The following FRK variants were observed in gnomAD, a reference collection of about 807,000 sequenced individuals.
FRK encodes tyrosine-protein kinase FRK.
In FRK, 51 loss-of-function variants were observed where a neutral mutation model predicts 56.4. The ratio of observed to expected loss-of-function variants is 0.90; its 90% CI spans 0.72 to 1.14. The LOEUF (loss-of-function observed/expected upper bound fraction) is 1.14. Among genes scored for constraint, FRK ranks in the 50% most tolerant of loss-of-function variants. The pLI is 0.00. For synonymous variants in FRK, 245 were observed against 217.9 expected, an observed-to-expected ratio of 1.12 and a Z score of -1.10; for missense variants, 570 against 601.4, an observed-to-expected ratio of 0.95 and a Z score of 0.55.
intron 2 of FRK, among the ~76,000 whole-genome samples, chr6:115,975,253 C>G (rs1404982465): frequency 6.6e-6 from 1 of 151,450 alleles, no homozygotes; most frequent in Non-Finnish European, 1.5e-5. Context: ...TTTTTTTCAT[C>G]TCTTACTGGC....
rs181204461 is a variant in FRK at position 115,940,714 on chromosome 6, C to A, written c.*1700G>T. ...CAAAAGAAGATATTTATGCAGCCAA[C>A]AGACATATGAAAAAAAGCTCATCAT... is the stretch of plus-strand genomic sequence containing the variant. On this transcript the variant is annotated 3_prime_UTR_variant, in exon 8 of 8. Coordinates refer to ENST00000606080, the MANE Select transcript of FRK (RefSeq NM_002031.3). 1 of 152,194 alleles carries A rather than the reference C, an allele frequency of 6.6e-6. No individual in the cohort carries two copies. The highest frequency in any genetic ancestry group is 1.9e-4 in the East Asian group (1 of 5,178). 9.4% of individuals were successfully genotyped at this position (152,194 alleles called of 1,614,324 possible).
At chr6:116,036,308 G>A (rs1477694281) in intron 1 of FRK, among the ~76,000 whole-genome samples, 1 of 152,128 alleles carries the variant, frequency 6.6e-6, no homozygotes, top group African/African-American at 2.4e-5. Flanking sequence ...CAGGAATGCA[G>A]TGAGCCAATT....
the FRK span, among the ~76,000 whole-genome samples, chr6:116,076,910 G>T: frequency 2.6e-5 from 4 of 152,176 alleles, no homozygotes; most frequent in South Asian, 8.3e-4. Context: ...GGAAAGAAGG[G>T]TGATAACGTT....
the FRK span, among the ~76,000 whole-genome samples, chr6:116,079,654 G>A: frequency 2.6e-5 from 4 of 152,050 alleles, no homozygotes; most frequent in Admixed American, 6.6e-5. Flanking sequence ...GCAGTGGCAC[G>A]GTCATGGCTC....
the FRK span, among the ~76,000 whole-genome samples, chr6:116,086,952 C>T: frequency 2.5e-3 from 383 of 152,292 alleles, 10 homozygotes; most frequent in South Asian, 0.044. Flanking sequence ...AAGATAACTT[C>T]AGGTTCCTGC....
At chr6:116,031,259 T>C (rs574716174) in intron 1 of FRK, among the ~76,000 whole-genome samples, 7 of 152,116 alleles carry the variant, frequency 4.6e-5, no homozygotes, top group Non-Finnish European at 1.0e-4. Context: ...AAGTGGAATA[T>C]GTACACTGAT....
the FRK span, among the ~76,000 whole-genome samples, chr6:116,088,649 G>A: frequency 6.6e-6 from 1 of 152,168 alleles, no homozygotes; most frequent in African/African-American, 2.4e-5. Context: ...ATGTATGGTC[G>A]TAGTTCAATT....
intron 2 of FRK, among the ~76,000 whole-genome samples, chr6:115,976,552 G>A (rs72950150): frequency 0.15 from 22,470 of 151,962 alleles, 1,824 homozygotes; most frequent in East Asian, 0.18. Context: ...TTTTTCAGCT[G>A]GTCTTCTGGC....
At position 116,002,839 on chromosome 6, in the gene FRK, A is replaced by G. The variant is rs74324287; in HGVS notation, c.466+1038T>C. The G allele has an allele frequency of 3.9e-3, 1,487 of 379,862 alleles. 20 individuals are homozygous for G. The highest frequency in any genetic ancestry group is 0.027 in the African/African-American group (1,310 of 48,256). The allele number at this position is 379,862 out of a possible 1,614,324, so 23.5% of individuals were successfully genotyped here. On this transcript the variant is annotated intron_variant, in intron 2 of 7. Transcript: ENST00000606080. ...CCTTGCTTCTCTCCAGCTCCAACCC[A>G]TCTGCCCTGATATTTGGGACTACCA...
the FRK span, among the ~76,000 whole-genome samples, chr6:116,088,984 C>A: frequency 6.6e-6 from 1 of 152,070 alleles, no homozygotes; most frequent in Non-Finnish European, 1.5e-5. Flanking sequence ...CTTAAATAAT[C>A]AAAAATTTAA....
the FRK span, among the ~76,000 whole-genome samples, chr6:116,078,113 T>A: frequency 6.6e-6 from 1 of 152,138 alleles, no homozygotes; most frequent in Non-Finnish European, 1.5e-5. Flanking sequence ...TGAGCTGAGA[T>A]CGCACCATTG....
At chr6:116,003,841 A>C in intron 2 of FRK, 36 bp downstream of exon 2, 2 of 1,609,794 alleles carry the variant, frequency 1.2e-6, no homozygotes, top group Non-Finnish European at 1.7e-6. Flanking sequence ...GCAGACTCTC[A>C]AGCTCATATT....
chr6:116,044,055 T>C (rs1776839984), intron 1 of FRK, among the ~76,000 whole-genome samples: 1 of 152,194 alleles, frequency 6.6e-6, no homozygotes, highest in Non-Finnish European at 1.5e-5. Context: ...AATGCCTGAA[T>C]AGACCAATAA....
intron 2 of FRK, among the ~76,000 whole-genome samples, chr6:115,983,630 T>C (rs1774287485): frequency 6.6e-6 from 1 of 152,166 alleles, no homozygotes; most frequent in Non-Finnish European, 1.5e-5. Flanking sequence ...TGAATGGCAC[T>C]GCTATTCTGA....
intron 2 of FRK, among the ~76,000 whole-genome samples, chr6:115,991,101 A>G (rs1357033538): frequency 6.6e-6 from 1 of 151,684 alleles, no homozygotes; most frequent in East Asian, 1.9e-4. Context: ...AGATGCAACT[A>G]ATTTTTATAT....
intron 1 of FRK, among the ~76,000 whole-genome samples, chr6:116,027,789 T>C (rs112066040): frequency 2.0e-5 from 3 of 151,116 alleles, no homozygotes; most frequent in Non-Finnish European, 4.4e-5. Context: ...AAAATCATTA[T>C]AAAAGACATT....
chr6:116,099,737 C>A, the FRK span, among the ~76,000 whole-genome samples: 1 of 152,140 alleles, frequency 6.6e-6, no homozygotes, highest in East Asian at 1.9e-4. Context: ...GGTCTATTAG[C>A]CTCAGAAGGA....
In FRK at chr6:115,981,758, G is replaced by T. The variant is rs139343333; in HGVS notation, c.467-13019C>A. ...TTATCTCCTTTGGAAATACAAAGGA[G>T]TATTTTTTGTATTAGCTAATTTATT... On this transcript the variant is annotated intron_variant, in intron 2 of 7. Transcript: ENST00000606080. 2.2e-4 allele frequency among the ~76,000 whole-genome samples: 34 copies of T among 152,162 alleles called. No individual in the cohort carries two copies. In the East Asian group the frequency reaches 6.2e-3, roughly 28 times the overall value.
chr6:116,035,819 C>T (rs1317168187), intron 1 of FRK, among the ~76,000 whole-genome samples: 1 of 151,908 alleles, frequency 6.6e-6, no homozygotes, highest in African/African-American at 2.4e-5. Flanking sequence ...AAATAAATAG[C>T]GAGCAGGTGA....
Sources: gnomAD v4.1 joint callset for allele counts (sites outside exome capture counted in the v4.1 genomes callset) on GRCh38, gnomAD v4.1.1 for gene constraint, MANE v1.5 for transcripts, NCBI Gene and HGNC (gene_info 2026-07-23, HGNC 2026-07-21) for gene names.